Variants in RBM20 observed in about 807,000 individuals in gnomAD.
RBM20 encodes the protein RNA-binding protein 20.
RBM20 carries 51 observed loss-of-function variants against 110.1 expected under a neutral mutation model. That is an observed-to-expected ratio of 0.46 (90% CI 0.37 to 0.59). RBM20 has a LOEUF of 0.59. Ranked by LOEUF, RBM20 falls within the 20% of genes least tolerant of loss-of-function variation. RBM20 has a pLI of 0.00. For missense variants in RBM20, 1,512 were observed against 1,574.9 expected (o/e 0.96, Z 0.68); for synonymous variants, 589 against 618.2 (o/e 0.95, Z 0.70).
At chr10:110,773,575 A>G (rs1844221730) in intron 1 of RBM20, among the ~76,000 whole-genome samples, 1 of 152,232 alleles carries the variant, frequency 6.6e-6, no homozygotes. Context: ...AATAAAGAAT[A>G]TTTTCAAAGA....
chr10:110,697,971 G>A (rs534093870), intron 1 of RBM20, among the ~76,000 whole-genome samples: 1 of 150,294 alleles, frequency 6.7e-6, no homozygotes, highest in African/African-American at 2.4e-5. Flanking sequence ...GCAGTGGTGC[G>A]ATGTCGGCTC....
At chr10:110,710,860 C>A (rs1279665259) in intron 1 of RBM20, among the ~76,000 whole-genome samples, 1 of 152,118 alleles carries the variant, frequency 6.6e-6, no homozygotes, top group African/African-American at 2.4e-5. Flanking sequence ...CTTGTGGAGC[C>A]GGGCAGGTGA....
intron 1 of RBM20, among the ~76,000 whole-genome samples, chr10:110,672,681 T>G (rs902567991): frequency 6.6e-6 from 1 of 152,208 alleles, no homozygotes; most frequent in African/African-American, 2.4e-5. Flanking sequence ...GAGATGGTCT[T>G]TTCTCCTGGA....
At chr10:110,719,330 C>A (rs1001280162) in intron 1 of RBM20, among the ~76,000 whole-genome samples, 1 of 152,198 alleles carries the variant, frequency 6.6e-6, no homozygotes, top group Non-Finnish European at 1.5e-5. Context: ...GAGTGGGCAC[C>A]CTTCACAGAG....
chr10:110,813,886 G>A (rs1844807576), intron 9 of RBM20, among the ~76,000 whole-genome samples: 1 of 150,418 alleles, frequency 6.6e-6, no homozygotes, highest in South Asian at 2.1e-4. Context: ...CACCTTCATG[G>A]CATCTGAAAG....
At chr10:110,826,137 C>T (rs941139288) in intron 12 of RBM20, among the ~76,000 whole-genome samples, 4 of 152,172 alleles carry the variant, frequency 2.6e-5, no homozygotes, top group South Asian at 2.1e-4. Context: ...GTTTTCCCTG[C>T]GACCTTGAGT....
intron 1 of RBM20, among the ~76,000 whole-genome samples, chr10:110,653,427 T>A (rs1247789542): frequency 6.6e-6 from 1 of 152,276 alleles, no homozygotes; most frequent in Non-Finnish European, 1.5e-5. Context: ...TTTGCATAAC[T>A]ATAATTTTGT....
In RBM20 at chr10:110,781,402, G is replaced by A. The variant is rs1237864932; in HGVS notation, c.793G>A (p.Gly265Arg). The A allele has an allele frequency of 1.3e-6, 2 of 1,551,506 alleles. No homozygotes were observed. Among genetic ancestry groups the A allele is most frequent in the Non-Finnish European group, 1.7e-6 (2 of 1,147,002 alleles). The change falls in exon 2 of 14, where the codon GGG becomes AGG. Residue 265 changes from glycine to arginine, a missense_variant. Gly to Arg is a moderately radical substitution (Grantham distance 125). This residue lies in a region of RBM20 where 1,149 missense variants were observed against 1,169.4 expected (regional missense o/e 0.98). Coordinates refer to ENST00000369519, the MANE Select transcript of RBM20 (RefSeq NM_001134363.3). Reference protein sequence around the residue: ...ASTSGSVTYEGHYSHTGQDGQ... With the variant: ...ASTSGSVTYERHYSHTGQDGQ... ...AACCTCGGGCAGTGTGACCTATGAA[G>A]GGCACTACAGCCACACAGGGCAGGA... is the stretch of plus-strand genomic sequence containing the variant.
intron 1 of RBM20, among the ~76,000 whole-genome samples, chr10:110,765,979 T>C (rs1406244236): frequency 6.6e-6 from 1 of 152,210 alleles, no homozygotes; most frequent in Non-Finnish European, 1.5e-5. Flanking sequence ...TCGAATGAAA[T>C]GACTTCCTTA....
rs1182996322 is a variant in RBM20, at chr10:110,784,847, T to C, written c.1485T>C (p.Thr495=). The change falls in exon 5 of 14, where the codon ACT becomes ACC. Residue 495 remains threonine, a synonymous_variant. Transcript: ENST00000369519. ...TGCCCATTCCAGCAAGGTCATTCAC[T>C]CAGTCAAGCCCCACATTTCCTTTGG... The part of the protein sequence containing the change: ...SYVPIPARSF[T]QSSPTFPLAS... The C allele has an allele frequency of 6.4e-7, 1 of 1,551,140 alleles. No homozygotes were observed. The highest frequency in any genetic ancestry group is 1.2e-5 in the South Asian group (1 of 84,052).
intron 7 of RBM20, 51 bp from the exon 8 acceptor site, chr10:110,810,332 G>A: frequency 2.9e-6 from 4 of 1,358,514 alleles, no homozygotes; most frequent in Non-Finnish European, 4.1e-6. Context: ...CTTCCCTCAG[G>A]TGTTTGCAAG....
At chr10:110,727,338 T>C (rs1346370557) in intron 1 of RBM20, among the ~76,000 whole-genome samples, 2 of 149,056 alleles carry the variant, frequency 1.3e-5, no homozygotes, top group Admixed American at 6.7e-5. Flanking sequence ...TGGGCTGCAA[T>C]TGTATCTTTT....
chr10:110,742,956 T>G (rs1843738649), intron 1 of RBM20, among the ~76,000 whole-genome samples: 1 of 152,214 alleles, frequency 6.6e-6, no homozygotes, highest in Non-Finnish European at 1.5e-5. Flanking sequence ...GGGAGAGATG[T>G]GTTCCCCGGA....
intron 1 of RBM20, among the ~76,000 whole-genome samples, chr10:110,680,120 G>A (rs190212994): frequency 3.3e-5 from 5 of 152,132 alleles, no homozygotes; most frequent in East Asian, 1.9e-4. Flanking sequence ...GCCGGGAGCC[G>A]GGCACCTGTT....
chr10:110,739,453 G>A lies in RBM20; in HGVS notation c.192-41348G>A, dbSNP rs1308459836. Among the ~76,000 whole-genome samples the A allele has an allele frequency of 6.6e-6, 1 of 152,148 alleles. No homozygotes were observed. Among genetic ancestry groups the A allele is most frequent in the African/African-American group, 2.4e-5 (1 of 41,442 alleles). On this transcript the variant is annotated intron_variant, in intron 1 of 13. Transcript: ENST00000369519. The surrounding 1 kb of genome is among the most constrained non-coding windows in gnomAD (Gnocchi z 4.1). ...TCATCCAAAATTTTCTTTCAAAATGGATTGTTTTGATGAGCTGCCGGATCT... is the reference window on the plus strand; with the variant it reads ...TCATCCAAAATTTTCTTTCAAAATGAATTGTTTTGATGAGCTGCCGGATCT...
chr10:110,791,726 C>T (rs552547958), intron 5 of RBM20, among the ~76,000 whole-genome samples: 7 of 152,180 alleles, frequency 4.6e-5, no homozygotes, highest in Non-Finnish European at 8.8e-5. Flanking sequence ...CCCAGGCCCC[C>T]GATCCCATGT....
chr10:110,786,231 G>A (rs1051538305), intron 5 of RBM20, among the ~76,000 whole-genome samples: 3 of 152,254 alleles, frequency 2.0e-5, no homozygotes, highest in Admixed American at 2.0e-4. Flanking sequence ...GAGGGCACCT[G>A]TTTGTGTGCC....
chr10:110,710,453 C>T (rs1453970696), intron 1 of RBM20, among the ~76,000 whole-genome samples: 4 of 152,322 alleles, frequency 2.6e-5, no homozygotes, highest in South Asian at 2.1e-4. Flanking sequence ...ATGGTGCCTC[C>T]GGTTCTCAGG....
rs541027608 is a variant in RBM20 at position 110,760,425 on chromosome 10, C to CTT, written c.192-20349_192-20348dup. Among the ~76,000 whole-genome samples, 429 of 57,868 alleles carry CTT rather than the reference C, an allele frequency of 7.4e-3. 45 individuals are homozygous for CTT. The highest frequency in any genetic ancestry group is 0.025 in the African/African-American group (383 of 15,588). 38.0% of individuals were successfully genotyped at this position (57,868 alleles called of 152,430 possible). A position where few individuals can be genotyped will look rare whatever the true frequency, so the allele number is the denominator to read the frequency against. Reference sequence around the variant, plus strand: ...TATTAGCCCAGCTGAATTCCATCATCTTTTTTTTTTTTTTTTTTTTTTTTT... The same window carrying CTT: ...TATTAGCCCAGCTGAATTCCATCATCTTTTTTTTTTTTTTTTTTTTTTTTTTT... On this transcript the variant is annotated intron_variant, in intron 1 of 13. Transcript: ENST00000369519.
Sources: allele counts gnomAD v4.1 joint callset (sites outside exome capture counted in the v4.1 genomes callset), GRCh38; gene constraint gnomAD v4.1.1; regional missense constraint gnomAD v4.1.1; non-coding constraint Gnocchi (gnomAD v3.1); transcripts MANE v1.5; gene names NCBI Gene and HGNC (gene_info 2026-07-23, HGNC 2026-07-21).